Variants in MSI2 observed in about 807,000 individuals in gnomAD.
MSI2 encodes the protein musashi RNA binding protein 2, also known as RNA-binding protein Musashi homolog 2.
Under a neutral mutation model 45.6 loss-of-function variants are expected in MSI2, and 17 were observed. The ratio of observed to expected loss-of-function variants is 0.37; its 90% CI spans 0.26 to 0.56. MSI2 has a LOEUF of 0.56. MSI2 is among the 20% of genes least tolerant of loss of function. The pLI, the probability that MSI2 is intolerant of heterozygous loss-of-function variation, is 0.77. For missense variants in MSI2, 293 were observed against 444.2 expected (o/e 0.66, Z 3.06); for synonymous variants, 156 against 158.2 (o/e 0.99, Z 0.11).
intron 5 of MSI2, among the ~76,000 whole-genome samples, chr17:57,306,821 A>C (rs1205685303): frequency 6.6e-6 from 1 of 152,150 alleles, no homozygotes; most frequent in Non-Finnish European, 1.5e-5. Flanking sequence ...ATCTTGGCTC[A>C]CTGTGATCTG....
chr17:57,322,674 G>A (rs1913445924), intron 5 of MSI2, among the ~76,000 whole-genome samples: 1 of 152,152 alleles, frequency 6.6e-6, no homozygotes, highest in South Asian at 2.1e-4. Context: ...TTGGAGTGAC[G>A]TGCCGCCCAC....
At chr17:57,350,253 T>TGTGTGTGTGTGTTC (rs1373873349) in intron 5 of MSI2, among the ~76,000 whole-genome samples, 3 of 151,944 alleles carry the variant, frequency 2.0e-5, no homozygotes, top group Admixed American at 6.6e-5. Context: ...TGTGTGTGTG[T>TGTGTGTGTGTGTTC]GTTCATAGAA....
At chr17:57,599,220 C>G (rs1359304522) in intron 8 of MSI2, among the ~76,000 whole-genome samples, 1 of 152,208 alleles carries the variant, frequency 6.6e-6, no homozygotes. Flanking sequence ...TGTAGCCCTT[C>G]CCTGTTGACA....
intron 7 of MSI2, among the ~76,000 whole-genome samples, chr17:57,541,151 T>TAGAGAGAGAGAGAG (rs55999583): frequency 2.0e-5 from 3 of 148,910 alleles, no homozygotes; most frequent in African/African-American, 5.0e-5. Flanking sequence ...TACATTTTGG[T>TAGAGAGAGAGAGAG]AGAGAGAGAG....
At chr17:57,460,295 GC>G (rs1484907603) in intron 6 of MSI2, among the ~76,000 whole-genome samples, 1 of 151,992 alleles carries the variant, frequency 6.6e-6, no homozygotes, top group African/African-American at 2.4e-5. Flanking sequence ...TTGCACTCCA[GC>G]CCGGGTGACA....
At position 57,409,190 on chromosome 17, in the gene MSI2, G is replaced by A. The variant is rs561526380; in HGVS notation, c.405+7719G>A. 7.2e-5 allele frequency among the ~76,000 whole-genome samples: 11 copies of A among 152,274 alleles called. No individual in the cohort carries two copies. The East Asian group carries it at 2.1e-3, about 29-fold the overall frequency. ...AGGCAAAAGGGTTGAGTTTCTGACT[G>A]TTGCTAACCTCACCACTGCCTTTAA... On this transcript the variant is annotated intron_variant, in intron 6 of 13. Transcript: ENST00000284073.
At chr17:57,500,131 G>T (rs1430643786) in intron 6 of MSI2, among the ~76,000 whole-genome samples, 1 of 152,066 alleles carries the variant, frequency 6.6e-6, no homozygotes, top group East Asian at 1.9e-4. Flanking sequence ...TGCCACATGT[G>T]GTCACTCTCA....
chr17:57,409,697 G>A (rs1450043320), intron 6 of MSI2, among the ~76,000 whole-genome samples: 2 of 152,142 alleles, frequency 1.3e-5, no homozygotes, highest in Non-Finnish European at 2.9e-5. Flanking sequence ...GGTACAAGTA[G>A]TGCGTGGGAG....
chr17:57,363,296 G>A (rs901489197), intron 5 of MSI2, among the ~76,000 whole-genome samples: 11 of 152,180 alleles, frequency 7.2e-5, no homozygotes, highest in African/African-American at 2.7e-4. Context: ...GGTTCCTAGA[G>A]CAGTCAAATC....
chr17:57,624,534 C>T (rs1908613716), intron 9 of MSI2, among the ~76,000 whole-genome samples: 1 of 152,124 alleles, frequency 6.6e-6, no homozygotes, highest in African/African-American at 2.4e-5. Context: ...GGTTGCTGAG[C>T]TCAACATCCC....
intron 7 of MSI2, among the ~76,000 whole-genome samples, chr17:57,592,058 G>A (rs1904881881): frequency 6.6e-6 from 1 of 151,540 alleles, no homozygotes; most frequent in African/African-American, 2.4e-5. Flanking sequence ...TGTAGTCCCA[G>A]CTACTTGGGA....
chr17:57,470,207 C>CT (rs1254950634), intron 6 of MSI2, among the ~76,000 whole-genome samples: 1 of 152,244 alleles, frequency 6.6e-6, no homozygotes, highest in Non-Finnish European at 1.5e-5. Flanking sequence ...GGCAGCCTCT[C>CT]TATCCTCACC....
intron 6 of MSI2, among the ~76,000 whole-genome samples, chr17:57,488,778 C>T (rs1033277449): frequency 1.3e-5 from 2 of 151,548 alleles, no homozygotes; most frequent in Non-Finnish European, 2.9e-5. Flanking sequence ...GAGCCGAGAT[C>T]GCGCCATTGC....
At chr17:57,344,205 C>G (rs1915405374) in intron 5 of MSI2, among the ~76,000 whole-genome samples, 1 of 152,168 alleles carries the variant, frequency 6.6e-6, no homozygotes, top group Non-Finnish European at 1.5e-5. Flanking sequence ...CCACTTGGCC[C>G]TTGGCATCTG....
intron 9 of MSI2, among the ~76,000 whole-genome samples, chr17:57,618,554 T>C (rs1182539518): frequency 3.3e-5 from 5 of 152,124 alleles, no homozygotes; most frequent in Admixed American, 2.0e-4. Flanking sequence ...TCTCTTTCTT[T>C]TTTTTCTTGA....
intron 6 of MSI2, among the ~76,000 whole-genome samples, chr17:57,501,694 G>A (rs192573694): frequency 6.6e-6 from 1 of 152,302 alleles, no homozygotes; most frequent in East Asian, 1.9e-4. Context: ...TACTGTCAGG[G>A]TGAACCAAGT....
At chr17:57,551,326 G>A (rs1318541094) in intron 7 of MSI2, among the ~76,000 whole-genome samples, 3 of 152,184 alleles carry the variant, frequency 2.0e-5, no homozygotes, top group African/African-American at 7.2e-5. Context: ...GTCCTCACTG[G>A]ACTCACCTGG....
At position 57,652,516 on chromosome 17, in the gene MSI2, A is replaced by G. The variant is rs1271618966; in HGVS notation, c.790+355A>G. On this transcript the variant is annotated intron_variant, in intron 11 of 13. Coordinates refer to ENST00000284073, the MANE Select transcript of MSI2 (RefSeq NM_138962.4). The surrounding 1 kb of genome is among the most constrained non-coding windows in gnomAD (Gnocchi z 4.1). ...TCCCTCCTTGGCTTTTGCTAATTCAACAGGCTCCCTTCCTTGGGTCCCTGA... is the reference window on the plus strand; with the variant it reads ...TCCCTCCTTGGCTTTTGCTAATTCAGCAGGCTCCCTTCCTTGGGTCCCTGA... Among the ~76,000 whole-genome samples the G allele has an allele frequency of 6.6e-6, 1 of 152,130 alleles. No individual in the cohort carries two copies. The highest frequency in any genetic ancestry group is 1.9e-4 in the East Asian group (1 of 5,198).
chr17:57,406,958 A>G (rs1258421555), intron 6 of MSI2: 1 of 152,096 alleles, frequency 6.6e-6, no homozygotes, highest in Non-Finnish European at 1.5e-5. Flanking sequence ...GGTGGCCGGG[A>G]AGAAAAGGCC....
Sources: allele counts gnomAD v4.1 joint callset (sites outside exome capture counted in the v4.1 genomes callset), GRCh38; gene constraint gnomAD v4.1.1; non-coding constraint Gnocchi (gnomAD v3.1); transcripts MANE v1.5; gene names NCBI Gene and HGNC (gene_info 2026-07-23, HGNC 2026-07-21).